DTNA: variants seen among roughly 807,000 people sequenced by gnomAD.
DTNA encodes the protein dystrophin-related protein 3.
A neutral mutation model predicts 100.7 loss-of-function variants in DTNA; 43 were observed. The ratio of observed to expected loss-of-function variants is 0.43; its 90% CI spans 0.33 to 0.55. DTNA has a LOEUF of 0.55. Among genes scored for constraint, DTNA ranks in the 20% least tolerant of loss-of-function variants. The pLI, the probability that DTNA is intolerant of heterozygous loss-of-function variation, is 0.04. For missense variants in DTNA, 798 were observed against 953.9 expected (o/e 0.84, Z 2.15); for synonymous variants, 349 against 347.9 (o/e 1.00, Z -0.04).
intron 1 of DTNA, among the ~76,000 whole-genome samples, chr18:34,564,294 C>T (rs2046896548): frequency 6.6e-6 from 1 of 152,186 alleles, no homozygotes; most frequent in South Asian, 2.1e-4. Context: ...AGGCACGCGC[C>T]ACTACGTCCA....
intron 1 of DTNA, among the ~76,000 whole-genome samples, chr18:34,614,856 G>A (rs1183765493): frequency 6.6e-6 from 1 of 152,180 alleles, no homozygotes; most frequent in Non-Finnish European, 1.5e-5. Context: ...AGTTGATAAG[G>A]CAGTGACAGG....
intron 1 of DTNA, among the ~76,000 whole-genome samples, chr18:34,604,126 T>A (rs1048627922): frequency 1.3e-5 from 2 of 152,108 alleles, no homozygotes; most frequent in Non-Finnish European, 2.9e-5. Flanking sequence ...TCAAAGAAAA[T>A]CCTAGATATA....
intron 13 of DTNA, among the ~76,000 whole-genome samples, chr18:34,844,879 C>G (rs1281368262): frequency 6.6e-6 from 1 of 152,074 alleles, no homozygotes; most frequent in Non-Finnish European, 1.5e-5. Flanking sequence ...CTTGAGTTTC[C>G]TGGAATGCCA....
At chr18:34,704,192 A>C (rs1244548527) in intron 1 of DTNA, among the ~76,000 whole-genome samples, 3 of 152,338 alleles carry the variant, frequency 2.0e-5, no homozygotes, top group African/African-American at 7.2e-5. Context: ...CACACATATT[A>C]CTTGATATGT....
intron 1 of DTNA, among the ~76,000 whole-genome samples, chr18:34,736,917 T>TC (rs1399657538): frequency 6.6e-6 from 1 of 152,230 alleles, no homozygotes; most frequent in East Asian, 1.9e-4. Context: ...AATTTGATCT[T>TC]CCTGCTTTGC....
At position 34,532,778 on chromosome 18, in the gene DTNA, G is replaced by GTGTA. The variant is rs770491646; in HGVS notation, c.-2+39267_-2+39268insATGT. On this transcript the variant is annotated intron_variant, in intron 1 of 19. Coordinates refer to the DTNA transcript ENST00000283365. ...AACATATATATATATATATGTGTGT[G>GTGTA]TGTGTATGCATAGAACGAATAGATT... Among the ~76,000 whole-genome samples, 125 of 151,424 alleles carry GTGTA rather than the reference G, an allele frequency of 8.3e-4. 2 individuals carry two copies. The highest frequency in any genetic ancestry group is 1.2e-3 in the Non-Finnish European group (79 of 67,828).
At chr18:34,593,609 T>A (rs1266168328) in intron 1 of DTNA, 1 of 152,196 alleles carries the variant, frequency 6.6e-6, no homozygotes, top group Non-Finnish European at 1.5e-5. Flanking sequence ...TTTCTTTTTA[T>A]CTGTGTGAAT....
intron 17 of DTNA, chr18:34,868,191 A>G (rs901964122): frequency 2.7e-6 from 1 of 363,910 alleles, no homozygotes; most frequent in Non-Finnish European, 3.8e-6. Flanking sequence ...CGGTGGTTTT[A>G]TCAGTACAGA....
chr18:34,753,629 G>A (rs1400496635), intron 1 of DTNA, among the ~76,000 whole-genome samples: 2 of 151,056 alleles, frequency 1.3e-5, no homozygotes, highest in Admixed American at 6.6e-5. Flanking sequence ...TGATCCGCCC[G>A]CCTCGGCCTC....
At chr18:34,827,436 T>G (rs879544467) in intron 9 of DTNA, 157 bp from the exon 10 acceptor site, 2 of 726,932 alleles carry the variant, frequency 2.8e-6, no homozygotes, top group African/African-American at 1.7e-5. Flanking sequence ...TTTAAAACAC[T>G]TAAGGAATTT....
chr18:34,598,664 C>A (rs1343123430), intron 1 of DTNA, among the ~76,000 whole-genome samples: 1 of 152,046 alleles, frequency 6.6e-6, no homozygotes, highest in African/African-American at 2.4e-5. Flanking sequence ...GAGATTGAGA[C>A]CATCCTGGCT....
intron 1 of DTNA, among the ~76,000 whole-genome samples, chr18:34,512,133 G>A (rs1185569980): frequency 1.3e-5 from 2 of 151,992 alleles, no homozygotes; most frequent in Non-Finnish European, 2.9e-5. Context: ...AGTCCCACTG[G>A]CTCTAGGCTG....
intron 1 of DTNA, among the ~76,000 whole-genome samples, chr18:34,604,379 AC>A (rs1475682239): frequency 6.6e-6 from 1 of 152,190 alleles, no homozygotes; most frequent in Non-Finnish European, 1.5e-5. Flanking sequence ...TTCTTAGCAC[AC>A]ATTTTTTTTC....
chr18:34,622,080 T>C (rs2056602613), intron 1 of DTNA, among the ~76,000 whole-genome samples: 1 of 152,136 alleles, frequency 6.6e-6, no homozygotes, highest in African/African-American at 2.4e-5. Flanking sequence ...TGGAGATCTA[T>C]TGGTGACTAT....
intron 1 of DTNA, among the ~76,000 whole-genome samples, chr18:34,705,218 T>C (rs1295837802): frequency 1.3e-5 from 2 of 152,194 alleles, no homozygotes; most frequent in Non-Finnish European, 2.9e-5. Context: ...TGGGAGAATA[T>C]TTACTCCTCA....
At chr18:34,715,061 A>C (rs1393199498) in intron 1 of DTNA, among the ~76,000 whole-genome samples, 1 of 80,880 alleles carries the variant, frequency 1.2e-5, no homozygotes. Flanking sequence ...CTGTTGTGGG[A>C]TGGGGGGAGG....
intron 1 of DTNA, among the ~76,000 whole-genome samples, chr18:34,542,136 T>C (rs1339568264): frequency 6.6e-6 from 1 of 152,010 alleles, no homozygotes; most frequent in Non-Finnish European, 1.5e-5. Flanking sequence ...ACCAGGAACA[T>C]GTACTAAGTT....
intron 1 of DTNA, among the ~76,000 whole-genome samples, chr18:34,672,398 T>G (rs1271871297): frequency 1.3e-5 from 2 of 152,172 alleles, no homozygotes; most frequent in East Asian, 3.9e-4. Context: ...ATCACTCCCT[T>G]TAAAAGTGTA....
chr18:34,633,036 C>A (rs545948432), intron 1 of DTNA, among the ~76,000 whole-genome samples: 28 of 152,216 alleles, frequency 1.8e-4, no homozygotes, highest in African/African-American at 6.5e-4. Flanking sequence ...GTATTTGAAT[C>A]CAGGTAGTCT....
Sources: allele counts gnomAD v4.1 joint callset (sites outside exome capture counted in the v4.1 genomes callset), GRCh38; gene constraint gnomAD v4.1.1; transcripts MANE v1.5; gene names NCBI Gene and HGNC (gene_info 2026-07-23, HGNC 2026-07-21).